ROBO2: variants seen among roughly 807,000 people sequenced by gnomAD.
ROBO2 encodes the protein roundabout guidance receptor 2.
Under a neutral mutation model 160.8 loss-of-function variants are expected in ROBO2, and 53 were observed. The ratio of observed to expected loss-of-function variants is 0.33; its 90% CI spans 0.26 to 0.41. The LOEUF (loss-of-function observed/expected upper bound fraction) is 0.41. ROBO2 is among the 10% of genes least tolerant of loss of function. The pLI is 1.00. For synonymous variants in ROBO2, 664 were observed against 611.7 expected (o/e 1.09, Z -1.26); for missense variants, 1,577 against 1,722.4 (o/e 0.92, Z 1.49).
At chr3:76,053,028 A>T (rs977436375) in intron 2 of ROBO2, among the ~76,000 whole-genome samples, 5 of 152,038 alleles carry the variant, frequency 3.3e-5, no homozygotes, top group Non-Finnish European at 7.4e-5. Context: ...TTTTATATTC[A>T]TAGGCAGTTA....
Position 75,907,660 on chromosome 3 carries a change from A to T in ROBO2, c.-14+700A>T, listed in dbSNP as rs1183974663. Among the ~76,000 whole-genome samples the T allele has an allele frequency of 3.9e-5, 6 of 152,184 alleles. No homozygotes were observed. In the East Asian group the frequency reaches 1.2e-3, roughly 29 times the overall value. Reference sequence around the variant, plus strand: ...AAAATTTAAGTGGCCGACTGACAGGAAATATTTCTTTTGAAAATGCTATGA... The same window carrying T: ...AAAATTTAAGTGGCCGACTGACAGGTAATATTTCTTTTGAAAATGCTATGA... On this transcript the variant is annotated intron_variant, in intron 1 of 26. Coordinates refer to the ROBO2 transcript ENST00000487694.
intron 2 of ROBO2, among the ~76,000 whole-genome samples, chr3:76,892,111 C>T (rs892812773): frequency 1.3e-5 from 2 of 150,816 alleles, no homozygotes; most frequent in Admixed American, 1.3e-4. Context: ...GACAATAACA[C>T]TGCAAATACT....
In ROBO2 at chr3:76,229,762, T is replaced by C. The variant is rs558071998; in HGVS notation, c.109+292160T>C. ...AATAAAGCAGTAGAATAATATTCTATGTAATAAATAGAAGATCTATTTATA... is the reference window on the plus strand; with the variant it reads ...AATAAAGCAGTAGAATAATATTCTACGTAATAAATAGAAGATCTATTTATA... On this transcript the variant is annotated intron_variant, in intron 2 of 26. Transcript: ENST00000487694. Among the ~76,000 whole-genome samples, 56 of 152,298 alleles carry C rather than the reference T, an allele frequency of 3.7e-4. 1 individual carries two copies. Among genetic ancestry groups the C allele is most frequent in the African/African-American group, 1.3e-3 (55 of 41,570 alleles).
intron 2 of ROBO2, among the ~76,000 whole-genome samples, chr3:77,381,304 G>A (rs1434054561): frequency 1.3e-5 from 2 of 152,102 alleles, no homozygotes; most frequent in African/African-American, 4.8e-5. Flanking sequence ...GACAGAGGGA[G>A]ACTCCATCTA....
intron 2 of ROBO2, among the ~76,000 whole-genome samples, chr3:76,807,657 A>G (rs375570737): frequency 1.7e-4 from 26 of 152,028 alleles, no homozygotes; most frequent in African/African-American, 6.0e-4. Flanking sequence ...TCCCATGAAA[A>G]GTGTTAATAT....
chr3:76,751,289 T>C (rs1385397708), intron 2 of ROBO2, among the ~76,000 whole-genome samples: 2 of 152,112 alleles, frequency 1.3e-5, no homozygotes, highest in East Asian at 3.9e-4. Context: ...TTGCACCTTA[T>C]ACAAAAACTA....
chr3:77,216,908 G>A (rs1479840654), intron 2 of ROBO2, among the ~76,000 whole-genome samples: 1 of 151,982 alleles, frequency 6.6e-6, no homozygotes, highest in Non-Finnish European at 1.5e-5. Context: ...AAGTGTGTCA[G>A]ATAGATTAGG....
intron 2 of ROBO2, chr3:76,434,662 T>C: frequency 8.3e-7 from 1 of 1,207,560 alleles, no homozygotes; most frequent in Non-Finnish European, 1.2e-6. Flanking sequence ...CTCTGCCATC[T>C]GGACCCTCTG....
chr3:75,958,121 A>G (rs886456455), intron 2 of ROBO2, among the ~76,000 whole-genome samples: 1 of 151,760 alleles, frequency 6.6e-6, no homozygotes, highest in African/African-American at 2.4e-5. Context: ...CTGAACATAA[A>G]CCTTGTTTCA....
At chr3:76,308,959 C>A (rs895311736) in intron 2 of ROBO2, among the ~76,000 whole-genome samples, 1 of 152,172 alleles carries the variant, frequency 6.6e-6, no homozygotes, top group African/African-American at 2.4e-5. Context: ...TCCGGCCAGA[C>A]CTTTCAGAAA....
intron 2 of ROBO2, among the ~76,000 whole-genome samples, chr3:76,934,214 A>G (rs2077536636): frequency 6.6e-6 from 1 of 151,948 alleles, no homozygotes; most frequent in African/African-American, 2.4e-5. Context: ...AAAATAGAAA[A>G]AAAAAAAAGA....
Position 77,017,097 on chromosome 3 carries a change from C to G in ROBO2, c.110-80917C>G, listed in dbSNP as rs149533098. Among the ~76,000 whole-genome samples, 866 of 152,224 alleles carry G rather than the reference C, an allele frequency of 5.7e-3. 5 individuals are homozygous for G. The highest frequency in any genetic ancestry group is 8.6e-3 in the Non-Finnish European group (586 of 68,018). On this transcript the variant is annotated intron_variant, in intron 2 of 26. Coordinates refer to the ROBO2 transcript ENST00000487694. ...TAATCTTACCATATGTCCTTATCAA[C>G]AGGAAGATCTTTATTTTGTCTAGAA... is the stretch of plus-strand genomic sequence containing the variant.
chr3:76,599,447 A>G (rs1331468267), intron 2 of ROBO2, among the ~76,000 whole-genome samples: 5 of 152,006 alleles, frequency 3.3e-5, no homozygotes, highest in Non-Finnish European at 2.9e-5. Context: ...GTGTATACAT[A>G]CCACATTTTC....
chr3:76,769,682 C>G (rs1315299134), intron 2 of ROBO2, among the ~76,000 whole-genome samples: 1 of 151,376 alleles, frequency 6.6e-6, no homozygotes, highest in African/African-American at 2.4e-5. Flanking sequence ...AATGAGCTAT[C>G]CATCTATAAT....
At chr3:76,732,940 G>A (rs145227538) in intron 2 of ROBO2, among the ~76,000 whole-genome samples, 60 of 150,204 alleles carry the variant, frequency 4.0e-4, no homozygotes, top group Non-Finnish European at 6.9e-4. Context: ...TCTTCCTTAT[G>A]GCCCTGAAGT....
At chr3:76,043,415 G>A (rs1224318898) in intron 2 of ROBO2, among the ~76,000 whole-genome samples, 1 of 151,244 alleles carries the variant, frequency 6.6e-6, no homozygotes, top group Non-Finnish European at 1.5e-5. Flanking sequence ...GTTGAAAAAG[G>A]GAGAAAGCAC....
At chr3:77,411,957 T>C (rs2076840357) in intron 2 of ROBO2, among the ~76,000 whole-genome samples, 1 of 152,252 alleles carries the variant, frequency 6.6e-6, no homozygotes, top group African/African-American at 2.4e-5. Context: ...TCCCCTCTTT[T>C]AAATTTCCAT....
intron 4 of ROBO2, among the ~76,000 whole-genome samples, chr3:77,491,906 C>CAATAA (rs2086168978): frequency 6.6e-6 from 1 of 152,012 alleles, no homozygotes; most frequent in Non-Finnish European, 1.5e-5. Flanking sequence ...GGTTTTATTG[C>CAATAA]AATAAAATAT....
In ROBO2 at chr3:76,413,653, C is replaced by T. The variant is rs144876335; in HGVS notation, c.109+476051C>T. Among the ~76,000 whole-genome samples the T allele has an allele frequency of 1.7e-4, 26 of 152,286 alleles. No homozygotes were observed. In the East Asian group the frequency reaches 4.6e-3, roughly 27 times the overall value. On this transcript the variant is annotated intron_variant, in intron 2 of 26. Coordinates refer to the ROBO2 transcript ENST00000487694. ...CAGTTCTCAGCAAGTTTCTCATCTCCATCTGAGACCCCCTCATCCTGGACC... is the reference window on the plus strand; with the variant it reads ...CAGTTCTCAGCAAGTTTCTCATCTCTATCTGAGACCCCCTCATCCTGGACC...
Sources: gnomAD v4.1 joint callset for allele counts (sites outside exome capture counted in the v4.1 genomes callset) on GRCh38, gnomAD v4.1.1 for gene constraint, MANE v1.5 for transcripts, NCBI Gene and HGNC (gene_info 2026-07-23, HGNC 2026-07-21) for gene names.